FBXL13: variants seen among roughly 807,000 people sequenced by gnomAD.
The protein encoded by FBXL13 is F-box and leucine-rich repeat protein 13.
A neutral mutation model predicts 83.6 loss-of-function variants in FBXL13; 67 were observed. The observed-to-expected ratio is 0.80, with a 90% CI of 0.66 to 0.98. The LOEUF is 0.98. FBXL13 is among the 50% of genes least tolerant of loss of function. The probability of loss-of-function intolerance (pLI) is 0.00; values close to 1 mark genes in which losing one functional copy is unlikely to be tolerated. For missense variants in FBXL13, 822 were observed against 866.5 expected, an observed-to-expected ratio of 0.95 and a Z score of 0.64; for synonymous variants, 272 against 299.5, an observed-to-expected ratio of 0.91 and a Z score of 0.95.
chr7:102,830,392 T>C (rs2129447126), intron 18 of FBXL13, among the ~76,000 whole-genome samples: 1 of 152,208 alleles, frequency 6.6e-6, no homozygotes, highest in East Asian at 1.9e-4. Flanking sequence ...CATATGTCTG[T>C]GTGCTATGAA....
chr7:102,853,435 A>T (rs1194200557), intron 17 of FBXL13, among the ~76,000 whole-genome samples: 1 of 152,204 alleles, frequency 6.6e-6, no homozygotes, highest in African/African-American at 2.4e-5. Context: ...AAACCTAGGC[A>T]TTACCATTCA....
intron 17 of FBXL13, among the ~76,000 whole-genome samples, chr7:102,835,770 C>T (rs1387871594): frequency 2.7e-5 from 4 of 149,140 alleles, no homozygotes; most frequent in Non-Finnish European, 4.4e-5. Context: ...CCACTACGCC[C>T]GGCTAATTTT....
intron 6 of FBXL13, among the ~76,000 whole-genome samples, chr7:102,970,691 C>T (rs1360461234): frequency 6.6e-6 from 1 of 151,960 alleles, no homozygotes; most frequent in Non-Finnish European, 1.5e-5. Flanking sequence ...GTGATGAAGA[C>T]ATAAAAAGAA....
At chr7:102,937,625 G>A (rs1165994151) in intron 8 of FBXL13, among the ~76,000 whole-genome samples, 2 of 150,352 alleles carry the variant, frequency 1.3e-5, no homozygotes, top group Non-Finnish European at 3.0e-5. Flanking sequence ...TTCATTTTTT[G>A]TTATATTGCT....
chr7:102,821,166 T>C (rs73714522), intron 19 of FBXL13, among the ~76,000 whole-genome samples: 1,529 of 152,294 alleles, frequency 0.01, 22 homozygotes, highest in African/African-American at 0.035. Flanking sequence ...TTTCATTGTA[T>C]ATCCTTTAAA....
At chr7:102,882,792 C>A (rs1029240938) in intron 14 of FBXL13, among the ~76,000 whole-genome samples, 1 of 131,664 alleles carries the variant, frequency 7.6e-6, no homozygotes, top group South Asian at 2.5e-4. Flanking sequence ...CAAAACAAAA[C>A]AAAAAAACAG....
intron 6 of FBXL13, among the ~76,000 whole-genome samples, chr7:103,019,287 G>C (rs951627013): frequency 2.0e-5 from 3 of 152,122 alleles, no homozygotes; most frequent in African/African-American, 2.4e-5. Context: ...AGAACAAAGA[G>C]ACAACATACC....
At chr7:103,045,573 C>T (rs879795779) in intron 2 of FBXL13, among the ~76,000 whole-genome samples, 4 of 152,118 alleles carry the variant, frequency 2.6e-5, no homozygotes, top group Admixed American at 2.0e-4. Flanking sequence ...TTTATGGGTA[C>T]CTCTTTATGC....
chr7:102,822,733 A>G (rs560711027), intron 18 of FBXL13, among the ~76,000 whole-genome samples: 14 of 152,340 alleles, frequency 9.2e-5, no homozygotes, highest in Admixed American at 8.5e-4. Context: ...CTGTTTCCAA[A>G]TAAGGTCAGA....
intron 8 of FBXL13, among the ~76,000 whole-genome samples, chr7:102,939,017 G>A (rs1231295243): frequency 1.3e-5 from 2 of 152,148 alleles, no homozygotes; most frequent in African/African-American, 4.8e-5. Flanking sequence ...CCATTTATTT[G>A]TGGTTAACCC....
chr7:103,014,281 G>T (rs1791988368), intron 6 of FBXL13, among the ~76,000 whole-genome samples: 1 of 152,088 alleles, frequency 6.6e-6, no homozygotes, highest in African/African-American at 2.4e-5. Flanking sequence ...CTTGAGTCTG[G>T]GAGGTTGAGG....
At chr7:103,049,275 C>T (rs1585554268) in intron 2 of FBXL13, among the ~76,000 whole-genome samples, 1 of 152,300 alleles carries the variant, frequency 6.6e-6, no homozygotes, top group Admixed American at 6.5e-5. Context: ...AAGGTCAAAG[C>T]AGTTTATGGC....
At chr7:103,058,845 T>C (rs1364788544) in intron 1 of FBXL13, among the ~76,000 whole-genome samples, 1 of 152,228 alleles carries the variant, frequency 6.6e-6, no homozygotes, top group Non-Finnish European at 1.5e-5. Context: ...GCTCCACTTA[T>C]AATAAACTAC....
chr7:103,065,938 A>G (rs1798352181), intron 1 of FBXL13, among the ~76,000 whole-genome samples: 1 of 152,216 alleles, frequency 6.6e-6, no homozygotes, highest in South Asian at 2.1e-4. Flanking sequence ...CACCACACAC[A>G]TGCTCCTGGA....
chr7:102,820,031 T>G (rs1457483376), intron 19 of FBXL13, among the ~76,000 whole-genome samples: 1 of 152,222 alleles, frequency 6.6e-6, no homozygotes, highest in Non-Finnish European at 1.5e-5. Context: ...CTATCCTAGA[T>G]GTTGAACATA....
At chr7:103,019,676 T>C (rs574525876) in intron 6 of FBXL13, among the ~76,000 whole-genome samples, 1 of 152,226 alleles carries the variant, frequency 6.6e-6, no homozygotes, top group Non-Finnish European at 1.5e-5. Context: ...CAAACTACCA[T>C]CAGAGAATAC....
chr7:103,046,834 T>C (rs1273388586), intron 2 of FBXL13: 1 of 152,218 alleles, frequency 6.6e-6, no homozygotes, highest in African/African-American at 2.4e-5. Context: ...GGGTGTACAG[T>C]TCCAATAGTG....
intron 6 of FBXL13, among the ~76,000 whole-genome samples, chr7:102,996,943 C>A (rs1289948325): frequency 1.3e-5 from 2 of 151,920 alleles, no homozygotes; most frequent in Non-Finnish European, 2.9e-5. Context: ...TAAGTCTTAC[C>A]ATTGGTTATA....
chr7:102,973,728 T>C lies in FBXL13; in HGVS notation c.496-5611A>G, dbSNP rs769447513. On this transcript the variant is annotated intron_variant, in intron 6 of 19. Transcript: ENST00000313221. ...ACAAAGGAAGCTCCTCAGCCTCCAG[T>C]TGCTTCTCTGTGCATGCACATCAGT... is the stretch of plus-strand genomic sequence containing the variant. The C allele has an allele frequency of 6.5e-6, 5 of 766,266 alleles. No individual in the cohort carries two copies. In the Middle Eastern group the frequency reaches 6.8e-4, roughly 104 times the overall value. 47.5% of individuals were successfully genotyped at this position (766,266 alleles called of 1,614,324 possible). A position where few individuals can be genotyped will look rare whatever the true frequency, so the allele number is the denominator to read the frequency against.
Sources: gnomAD v4.1 joint callset for allele counts (sites outside exome capture counted in the v4.1 genomes callset) on GRCh38, gnomAD v4.1.1 for gene constraint, MANE v1.5 for transcripts, NCBI Gene and HGNC (gene_info 2026-07-23, HGNC 2026-07-21) for gene names.